Variants in GALNT10 observed in about 807,000 individuals in gnomAD.
The protein encoded by GALNT10 is GalNAc transferase 10.
Under a neutral mutation model 75.0 loss-of-function variants are expected in GALNT10, and 41 were observed. That is an observed-to-expected ratio of 0.55 (90% CI 0.43 to 0.71). The LOEUF is 0.71. Among genes scored for constraint, GALNT10 ranks in the 30% least tolerant of loss-of-function variants. The pLI is 0.00. For synonymous variants in GALNT10, 302 were observed against 313.0 expected (o/e 0.96, Z 0.37); for missense variants, 727 against 818.5 (o/e 0.89, Z 1.36).
chr5:154,304,310 A>G (rs1754398697), intron 3 of GALNT10, among the ~76,000 whole-genome samples: 1 of 152,190 alleles, frequency 6.6e-6, no homozygotes, highest in African/African-American at 2.4e-5. Flanking sequence ...AGAAAATGAC[A>G]TCAAGGCATG....
rs939642021 is a variant in GALNT10, at chr5:154,297,984, G to C, written c.306G>C (p.Glu102Asp). 2 of 1,613,714 alleles carry C rather than the reference G, an allele frequency of 1.2e-6. No homozygotes were observed. The highest frequency in any genetic ancestry group is 1.7e-6 in the Non-Finnish European group (2 of 1,179,642). The change falls in exon 3 of 12, where the codon GAG becomes GAC. Residue 102 changes from glutamate (E) to aspartate (D), a missense_variant. Glu to Asp is a conservative substitution (Grantham distance 45, BLOSUM62 2). Transcript: ENST00000297107. ...QGRPYPMTDA[E>D]RVDQAYRENG... ...GACCTTACCCCATGACCGATGCTGAGAGAGTGGATCAGGCATACCGAGAAA... is the reference window on the plus strand; with the variant it reads ...GACCTTACCCCATGACCGATGCTGACAGAGTGGATCAGGCATACCGAGAAA...
At chr5:154,364,615 A>G (rs1353016406) in intron 4 of GALNT10, among the ~76,000 whole-genome samples, 1 of 152,194 alleles carries the variant, frequency 6.6e-6, no homozygotes, top group Non-Finnish European at 1.5e-5. Context: ...TTCCCCCAGG[A>G]GAATACTTTT....
chr5:154,270,705 G>GAACT (rs1355030224), intron 1 of GALNT10, among the ~76,000 whole-genome samples: 1 of 152,066 alleles, frequency 6.6e-6, no homozygotes, highest in Admixed American at 6.6e-5. Context: ...TGTGAAATTG[G>GAACT]AACTCCTGGC....
chr5:154,343,433 G>C (rs1755065614), intron 4 of GALNT10, among the ~76,000 whole-genome samples: 1 of 152,166 alleles, frequency 6.6e-6, no homozygotes, highest in African/African-American at 2.4e-5. Flanking sequence ...AAGCACTTTG[G>C]AAAGTATTCA....
chr5:154,329,525 G>A (rs751156653), intron 3 of GALNT10, 47 bp from the exon 4 acceptor site: 61 of 1,521,256 alleles, frequency 4.0e-5, no homozygotes, highest in Non-Finnish European at 2.7e-6. Context: ...CTCTTGGCAG[G>A]AGGAGAGCTG....
intron 3 of GALNT10, among the ~76,000 whole-genome samples, chr5:154,304,414 AGAG>A (rs1581964623): frequency 6.6e-6 from 1 of 152,240 alleles, no homozygotes; most frequent in South Asian, 2.1e-4. Flanking sequence ...AACAATGATA[AGAG>A]GAGAATTCTT....
At chr5:154,263,006 G>A (rs693446) in intron 1 of GALNT10, among the ~76,000 whole-genome samples, 37,152 of 152,004 alleles carry the variant, frequency 0.24, 5,519 homozygotes, top group African/African-American at 0.42. Context: ...AACAAGTGTT[G>A]GCAAGGACGT....
intron 3 of GALNT10, among the ~76,000 whole-genome samples, chr5:154,307,568 C>G (rs1296736410): frequency 2.7e-5 from 4 of 149,120 alleles, no homozygotes; most frequent in Non-Finnish European, 5.9e-5. Flanking sequence ...TGCAGTGAGT[C>G]GAGATCGCAC....
In GALNT10 at chr5:154,390,736, A is replaced by T. The variant is rs540587724; in HGVS notation, c.1056+4306A>T. The stretch of plus-strand genomic sequence containing the variant: ...CCCCACCATGGAGAACAGTGAATGG[A>T]GAAAGATTTGCACAAAGGAATTTCT... On this transcript the variant is annotated intron_variant, in intron 7 of 11. Transcript: ENST00000297107. Among the ~76,000 whole-genome samples, 5 of 152,302 alleles carry T rather than the reference A, an allele frequency of 3.3e-5. 1 individual carries two copies. The South Asian group carries it at 6.2e-4, about 19-fold the overall frequency.
chr5:154,308,159 T>G (rs979366379), intron 3 of GALNT10, among the ~76,000 whole-genome samples: 2 of 151,754 alleles, frequency 1.3e-5, no homozygotes, highest in African/African-American at 4.8e-5. Context: ...TTTAAATCTT[T>G]TAAAAGATAA....
At chr5:154,344,957 C>G (rs1424541059) in intron 4 of GALNT10, among the ~76,000 whole-genome samples, 8 of 152,236 alleles carry the variant, frequency 5.3e-5, no homozygotes. Context: ...CTCCAAAAAT[C>G]AGGCCCACAG....
intron 1 of GALNT10, among the ~76,000 whole-genome samples, chr5:154,239,866 A>G (rs987621391): frequency 3.3e-5 from 5 of 152,184 alleles, no homozygotes; most frequent in African/African-American, 1.2e-4. Context: ...CTGCTCATAG[A>G]TTGATATCCA....
chr5:154,215,462 C>T (rs535337971), intron 1 of GALNT10, among the ~76,000 whole-genome samples: 7 of 152,002 alleles, frequency 4.6e-5, no homozygotes, highest in African/African-American at 7.3e-5. Context: ...CCAGCCTGGG[C>T]GACAGAGCAA....
chr5:154,365,396 A>G (rs1325379634), intron 4 of GALNT10, among the ~76,000 whole-genome samples: 1 of 152,218 alleles, frequency 6.6e-6, no homozygotes, highest in African/African-American at 2.4e-5. Context: ...ACTCATTTTC[A>G]GAAAAAAGGC....
rs780995129 is a variant in GALNT10 at position 154,294,841 on chromosome 5, C to T, written c.185C>T (p.Thr62Met). ...GQGSHSRQKK[T>M]FFLGDGQKLK... ...GGCTCACACAGTCGACAAAAGAAAA[C>T]GTTTTTCTTGGGAGATGGGCAGAAG... The change falls in exon 2 of 12, where the codon ACG (threonine) becomes ATG (methionine). Residue 62 changes from threonine (T) to methionine (M), a missense_variant. Physicochemically the swap from Thr to Met is moderately conservative, Grantham distance 81. Transcript: ENST00000297107. 2.6e-5 allele frequency: 41 copies of T among 1,600,464 alleles called. No homozygotes were observed. The highest frequency in any genetic ancestry group is 1.3e-4 in the Admixed American group (8 of 60,000).
chr5:154,393,214 C>T (rs1755944960), intron 7 of GALNT10, among the ~76,000 whole-genome samples: 1 of 151,964 alleles, frequency 6.6e-6, no homozygotes, highest in South Asian at 2.1e-4. Context: ...GCTGGGACTA[C>T]AGGTCTACAC....
chr5:154,405,465 G>GTTCTAGGT (rs1756260016), intron 8 of GALNT10, among the ~76,000 whole-genome samples: 1 of 152,108 alleles, frequency 6.6e-6, no homozygotes, highest in Non-Finnish European at 1.5e-5. Flanking sequence ...CGGGGGGTAG[G>GTTCTAGGT]TTCTAGGTTC....
At chr5:154,231,960 T>A (rs1050366866) in intron 1 of GALNT10, among the ~76,000 whole-genome samples, 1 of 152,160 alleles carries the variant, frequency 6.6e-6, no homozygotes, top group African/African-American at 2.4e-5. Flanking sequence ...GCCTGTTAAG[T>A]CACATGTCCT....
At chr5:154,256,247 G>T (rs1353383494) in intron 1 of GALNT10, among the ~76,000 whole-genome samples, 1 of 152,094 alleles carries the variant, frequency 6.6e-6, no homozygotes, top group African/African-American at 2.4e-5. Context: ...TGTCATGCAG[G>T]AATACAGGGC....
Sources: gnomAD v4.1 joint callset for allele counts (sites outside exome capture counted in the v4.1 genomes callset) on GRCh38, gnomAD v4.1.1 for gene constraint, MANE v1.5 for transcripts, NCBI Gene and HGNC (gene_info 2026-07-23, HGNC 2026-07-21) for gene names.